MAP1S: variants seen among roughly 807,000 people sequenced by gnomAD.
MAP1S encodes microtubule associated protein 1S.
A neutral mutation model predicts 60.9 loss-of-function variants in MAP1S; 27 were observed. The ratio of observed to expected loss-of-function variants is 0.44; its 90% CI spans 0.33 to 0.61. The LOEUF is 0.61. Ranked by LOEUF, MAP1S falls within the 20% of genes least tolerant of loss-of-function variation. MAP1S has a pLI of 0.03. For synonymous variants in MAP1S, 826 were observed against 694.2 expected, an observed-to-expected ratio of 1.19 and a Z score of -2.98; for missense variants, 1,608 against 1,486.6, an observed-to-expected ratio of 1.08 and a Z score of -1.34.
intron 5 of MAP1S, 117 bp downstream of exon 5, chr19:17,728,289 C>G: frequency 8.4e-7 from 1 of 1,184,238 alleles, no homozygotes; most frequent in Non-Finnish European, 1.2e-6. Flanking sequence ...CTCACTCTGT[C>G]TCTGAGCTGG....
At chr19:17,733,850 C>T (rs918706040) in intron 6 of MAP1S, among the ~76,000 whole-genome samples, 19 of 152,330 alleles carry the variant, frequency 1.2e-4, no homozygotes, top group African/African-American at 3.6e-4. Flanking sequence ...GAGGGAGGAC[C>T]GCCTCACACC....
chr19:17,727,499 GCTGC>G lies in MAP1S; in HGVS notation c.2117_2120del (p.Leu706ArgfsTer11). The G allele has an allele frequency of 6.2e-7, 1 of 1,610,956 alleles. No homozygotes were observed. The highest frequency in any genetic ancestry group is 1.1e-5 in the South Asian group (1 of 90,884). ...CCCTGTCGGTGTCCTTTGAGCAGGT[GCTGC>G]CGCCATCCGCCCCCACCAGTGAGGC... On this transcript the variant is annotated frameshift_variant, in exon 5 of 7. Coordinates refer to ENST00000324096, the MANE Select transcript of MAP1S (RefSeq NM_018174.6). LOFTEE classifies it high-confidence loss of function. The surrounding 1 kb of genome is among the most constrained non-coding windows in gnomAD (Gnocchi z 4.1).
Position 17,725,897 on chromosome 19 carries a change from C to G in MAP1S, c.513C>G (p.Thr171=), listed in dbSNP as rs759135182. The change falls in exon 5 of 7, where the codon ACC becomes ACG. Residue 171 remains threonine, a synonymous_variant. Transcript: ENST00000324096. This position sits in a 1 kb window ranked among gnomAD's most constrained non-coding sequence, Gnocchi z 4.2. ...CCATACTCACCATCACCTGCCCCAC[C>G]TTCGGTGACTGGGCTCAGCTGGCAC... ...QPPILTITCP[T]FGDWAQLAPA... is the part of the protein sequence containing the mutation. The G allele has an allele frequency of 8.1e-6, 13 of 1,613,732 alleles. No homozygotes were observed. Among genetic ancestry groups the G allele is most frequent in the Non-Finnish European group, 1.1e-5 (13 of 1,180,014 alleles).
rs1411860994 is a variant in MAP1S, at chr19:17,725,159, C to T, written c.414C>T (p.His138=). ...LLLQTGGFSP[H]HFLQVLKDRE... is the part of the protein sequence containing the mutation. ...TACAGACAGGGGGCTTCTCGCCTCA[C>T]CACTTCCTCCAGGTCCTGAAGGACA... The change falls in exon 4 of 7, where the codon CAC becomes CAT. Residue 138 remains histidine (H), a synonymous_variant. Transcript: ENST00000324096. This position sits in a 1 kb window ranked among gnomAD's most constrained non-coding sequence, Gnocchi z 4.2. The T allele has an allele frequency of 6.2e-7, 1 of 1,613,874 alleles. No homozygotes were observed. Among genetic ancestry groups the T allele is most frequent in the South Asian group, 1.1e-5 (1 of 91,070 alleles).
In MAP1S at chr19:17,725,851, C is replaced by A. The variant is rs758768677; in HGVS notation, c.467C>A (p.Thr156Lys). 1 of 1,612,616 alleles carries A rather than the reference C, an allele frequency of 6.2e-7. No individual in the cohort carries two copies. ...CAGATCCGGGACATCCTGGCCACCA[C>A]GCCCCCACCTGTGCAGCCGCCCATA... ...DREIRDILAT[T>K]PPPVQPPILT... The change falls in exon 5 of 7, where the codon ACG (threonine) becomes AAG (lysine). Residue 156 changes from threonine (T) to lysine (K), a missense_variant. This residue lies in a region of MAP1S where 320 missense variants were observed against 393.1 expected (regional missense o/e 0.81). Transcript: ENST00000324096. This position sits in a 1 kb window ranked among gnomAD's most constrained non-coding sequence, Gnocchi z 4.2.
At chr19:17,734,011 C>T (rs1293331401) in intron 6 of MAP1S, among the ~76,000 whole-genome samples, 2 of 152,150 alleles carry the variant, frequency 1.3e-5, no homozygotes, top group East Asian at 3.9e-4. Context: ...GGTCTCAGGC[C>T]AAGGAAGGCC....
Position 17,732,957 on chromosome 19 carries a change from C to T in MAP1S, c.2789-236C>T, listed in dbSNP as rs1032879527. On this transcript the variant is annotated intron_variant, in intron 5 of 6. Coordinates refer to ENST00000324096, the MANE Select transcript of MAP1S (RefSeq NM_018174.6). ...GTCCCATCTACTTGGAAGGCTGAGGCAGGAGGATCACTTGAGCCCAGGAGT... is the reference window on the plus strand; with the variant it reads ...GTCCCATCTACTTGGAAGGCTGAGGTAGGAGGATCACTTGAGCCCAGGAGT... The T allele has an allele frequency of 1.7e-5, 9 of 523,132 alleles. No homozygotes were observed. In the Admixed American group the frequency reaches 2.2e-4, roughly 13 times the overall value. 32.4% of individuals were successfully genotyped at this position (523,132 alleles called of 1,614,324 possible). A position where few individuals can be genotyped will look rare whatever the true frequency, so the allele number is the denominator to read the frequency against.
At chr19:17,734,219 G>T in intron 6 of MAP1S, 54 bp from the exon 7 acceptor site, 2 of 1,502,658 alleles carry the variant, frequency 1.3e-6, no homozygotes, top group Non-Finnish European at 9.2e-7. Flanking sequence ...AGGGCAGGGG[G>T]CACCCCCCTC....
At chr19:17,722,646 G>A (rs866266113) in intron 2 of MAP1S, among the ~76,000 whole-genome samples, 1 of 151,590 alleles carries the variant, frequency 6.6e-6, no homozygotes. Flanking sequence ...CTACTTGGGA[G>A]ACTGAGGTTG....
chr19:17,725,425 G>T lies in MAP1S; in HGVS notation c.444+236G>T, dbSNP rs771190090. On this transcript the variant is annotated intron_variant, in intron 4 of 6. Coordinates refer to ENST00000324096, the MANE Select transcript of MAP1S (RefSeq NM_018174.6). This position sits in a 1 kb window ranked among gnomAD's most constrained non-coding sequence, Gnocchi z 4.2. ...CAGATGTCCCAAAGTCCTGATGAGG[G>T]ATGGAGCCAAATGGGTCCTTCCTGG... Among the ~76,000 whole-genome samples, 1 of 152,210 alleles carries T rather than the reference G, an allele frequency of 6.6e-6. No individual in the cohort carries two copies. Among genetic ancestry groups the T allele is most frequent in the Non-Finnish European group, 1.5e-5 (1 of 68,040 alleles).
intron 6 of MAP1S, 73 bp from the exon 7 acceptor site, chr19:17,734,200 C>A: frequency 7.4e-7 from 1 of 1,353,500 alleles, no homozygotes; most frequent in Non-Finnish European, 1.0e-6. Context: ...GACTTGGGCC[C>A]AGGCCAGAAG....
intron 1 of MAP1S, chr19:17,720,464 G>C: frequency 6.5e-7 from 1 of 1,531,444 alleles, no homozygotes; most frequent in Non-Finnish European, 8.7e-7. Context: ...AGCGAGTGAG[G>C]AGATGGAACA....
At chr19:17,731,897 C>G (rs1379341281) in intron 5 of MAP1S, among the ~76,000 whole-genome samples, 1 of 152,228 alleles carries the variant, frequency 6.6e-6, no homozygotes, top group Non-Finnish European at 1.5e-5. Flanking sequence ...GAACTCCTGA[C>G]CTCAAGTGAT....
At position 17,725,931 on chromosome 19, in the gene MAP1S, C is replaced by T; in HGVS notation, c.547C>T (p.Pro183Ser). 1.2e-6 allele frequency: 2 copies of T among 1,613,688 alleles called. No homozygotes were observed. Among genetic ancestry groups the T allele is most frequent in the East Asian group, 2.2e-5 (1 of 44,878 alleles). The change falls in exon 5 of 7, where the codon CCT (proline) becomes TCT (serine). Residue 183 changes from proline (P) to serine (S), a missense_variant. Around this residue, in one of 4 missense-constraint regions of MAP1S, gnomAD observed 320 missense variants for 393.1 expected, o/e 0.81. Coordinates refer to ENST00000324096, the MANE Select transcript of MAP1S (RefSeq NM_018174.6). This position sits in a 1 kb window ranked among gnomAD's most constrained non-coding sequence, Gnocchi z 4.2. ...GDWAQLAPAV[P>S]GLQGALRLQL... ...CTGGGCTCAGCTGGCACCCGCTGTGCCTGGCCTTCAGGGGGCGCTCCGGCT... is the reference window on the plus strand; with the variant it reads ...CTGGGCTCAGCTGGCACCCGCTGTGTCTGGCCTTCAGGGGGCGCTCCGGCT...
Position 17,730,033 on chromosome 19 carries a change from C to T in MAP1S, c.2788+1861C>T, listed in dbSNP as rs149218690. On this transcript the variant is annotated intron_variant, in intron 5 of 6. Coordinates refer to ENST00000324096, the MANE Select transcript of MAP1S (RefSeq NM_018174.6). ...ATGTTGCCCTGGCTGGTCTTGAACT[C>T]CTGAACTCAAGTGATCCTTTGGCCT... Among the ~76,000 whole-genome samples the T allele has an allele frequency of 5.6e-3, 854 of 152,226 alleles. 2 individuals are homozygous for T. The highest frequency in any genetic ancestry group is 0.018 in the South Asian group (89 of 4,830).
intron 1 of MAP1S, chr19:17,720,110 T>G (rs2080357019): frequency 4.9e-6 from 6 of 1,222,550 alleles, no homozygotes; most frequent in African/African-American, 1.6e-5. Context: ...CTAATTGGGG[T>G]GTGGGCGGGT....
In MAP1S at chr19:17,720,414, C is replaced by T. The variant is rs963803703; in HGVS notation, c.119-522C>T. The stretch of plus-strand genomic sequence containing the variant: ...ATATGGCCGGGATGATAGACAGGTT[C>T]AGCCCTGCCAACACAGGTCTGGTTT... On this transcript the variant is annotated intron_variant, in intron 1 of 6. Coordinates refer to ENST00000324096, the MANE Select transcript of MAP1S (RefSeq NM_018174.6). The T allele has an allele frequency of 5.9e-6, 9 of 1,535,078 alleles. No homozygotes were observed. The East Asian group carries it at 9.8e-5, about 17-fold the overall frequency.
At position 17,726,583 on chromosome 19, in the gene MAP1S, C is replaced by T. The variant is rs1418134241; in HGVS notation, c.1199C>T (p.Pro400Leu). 1.3e-6 allele frequency: 2 copies of T among 1,573,792 alleles called. No homozygotes were observed. The highest frequency in any genetic ancestry group is 1.1e-5 in the South Asian group (1 of 87,294). The change falls in exon 5 of 7, where the codon CCG (proline) becomes CTG (leucine). Residue 400 changes from proline to leucine, a missense_variant. By Grantham distance (98) the Pro-to-Leu change is moderately conservative (BLOSUM62 -3). Coordinates refer to ENST00000324096, the MANE Select transcript of MAP1S (RefSeq NM_018174.6). Reference protein sequence around the residue: ...VGRLDMYVLHPPSAGAERTLA... With the variant: ...VGRLDMYVLHLPSAGAERTLA... ...CGGCTGGACATGTATGTGCTGCACC[C>T]GCCCTCCGCCGGCGCCGAGCGCACG... is the stretch of plus-strand genomic sequence containing the variant.
At chr19:17,723,498 A>G (rs1235024767) in intron 2 of MAP1S, among the ~76,000 whole-genome samples, 1 of 151,670 alleles carries the variant, frequency 6.6e-6, no homozygotes, top group East Asian at 1.9e-4. Context: ...CAGTGAGCCC[A>G]GGTTGCACTG....
Sources: allele counts gnomAD v4.1 joint callset (sites outside exome capture counted in the v4.1 genomes callset), GRCh38; gene constraint gnomAD v4.1.1; regional missense constraint gnomAD v4.1.1; non-coding constraint Gnocchi (gnomAD v3.1); transcripts MANE v1.5; gene names NCBI Gene and HGNC (gene_info 2026-07-23, HGNC 2026-07-21).